Variants in SEMA5B observed in about 807,000 individuals in gnomAD.
SEMA5B encodes the protein semaphorin 5B.
SEMA5B carries 66 observed loss-of-function variants against 135.0 expected under a neutral mutation model. The ratio of observed to expected loss-of-function variants is 0.49; its 90% CI spans 0.40 to 0.60. SEMA5B has a LOEUF of 0.60. Among genes scored for constraint, SEMA5B ranks in the 20% least tolerant of loss-of-function variants. SEMA5B has a pLI of 0.00. For missense variants in SEMA5B, 1,501 were observed against 1,566.3 expected, an observed-to-expected ratio of 0.96 and a Z score of 0.70; for synonymous variants, 690 against 639.5, an observed-to-expected ratio of 1.08 and a Z score of -1.19.
In SEMA5B at chr3:122,915,838, G is replaced by T. The variant is rs149599978; in HGVS notation, c.1741C>A (p.Arg581Ser). The change falls in exon 13 of 23, where the codon CGT becomes AGT. Residue 581 changes from arginine to serine, a missense_variant. Physicochemically the swap from Arg to Ser is moderately radical, Grantham distance 110. Around this residue, in one of 2 missense-constraint regions of SEMA5B, gnomAD observed 927 missense variants for 881.6 expected, o/e 1.05. Coordinates refer to ENST00000357599, the MANE Select transcript of SEMA5B (RefSeq NM_001031702.4). Reference sequence around the variant, plus strand: ...GAGCTGTCCTCGAGTGTGCTGCAACGTTGCTGCTTCCCGTCCCAGCCACAG... The same window carrying T: ...GAGCTGTCCTCGAGTGTGCTGCAACTTTGCTGCTTCCCGTCCCAGCCACAG... ...PYCGWDGKQQ[R>S]CSTLEDSSNM... The T allele has an allele frequency of 1.9e-6, 3 of 1,614,004 alleles. No individual in the cohort carries two copies. Among genetic ancestry groups the T allele is most frequent in the Non-Finnish European group, 2.5e-6 (3 of 1,180,008 alleles).
chr3:122,997,920 C>G (rs1475692656), intron 1 of SEMA5B, among the ~76,000 whole-genome samples: 1 of 152,170 alleles, frequency 6.6e-6, no homozygotes, highest in Non-Finnish European at 1.5e-5. Flanking sequence ...ATACCCCAGC[C>G]TCTAGGTATC....
chr3:122,930,592 A>T (rs1406112425), intron 5 of SEMA5B, among the ~76,000 whole-genome samples: 2 of 152,254 alleles, frequency 1.3e-5, no homozygotes, highest in Non-Finnish European at 2.9e-5. Flanking sequence ...CGAGGACCGC[A>T]TGAGCAAAGG....
chr3:123,024,293 C>T (rs981511447), intron 1 of SEMA5B, among the ~76,000 whole-genome samples: 22 of 152,222 alleles, frequency 1.4e-4, no homozygotes, highest in African/African-American at 5.1e-4. Context: ...CCTCTATCCC[C>T]TTGATGGGTT....
chr3:122,970,106 C>A (rs770359084), intron 1 of SEMA5B, among the ~76,000 whole-genome samples: 14 of 152,172 alleles, frequency 9.2e-5, no homozygotes, highest in Non-Finnish European at 2.1e-4. Flanking sequence ...AGAGCCCGGG[C>A]TGCAAATATG....
intron 1 of SEMA5B, among the ~76,000 whole-genome samples, chr3:122,997,627 A>T (rs1942056326): frequency 1.3e-5 from 2 of 152,018 alleles, no homozygotes; most frequent in African/African-American, 4.8e-5. Flanking sequence ...CTAGGGCAGG[A>T]CCCAGACAAA....
chr3:123,008,962 C>T (rs960204831), intron 1 of SEMA5B, among the ~76,000 whole-genome samples: 1 of 152,200 alleles, frequency 6.6e-6, no homozygotes, highest in Non-Finnish European at 1.5e-5. Context: ...CCTCCCACCA[C>T]AAGTGCACCT....
At chr3:123,021,516 A>AT (rs1942674741) in intron 1 of SEMA5B, among the ~76,000 whole-genome samples, 1 of 152,372 alleles carries the variant, frequency 6.6e-6, no homozygotes, top group African/African-American at 2.4e-5. Context: ...TCCCTGAATA[A>AT]TTAAGAGCCA....
chr3:122,962,209 A>T (rs564564610), intron 1 of SEMA5B, among the ~76,000 whole-genome samples: 1 of 152,142 alleles, frequency 6.6e-6, no homozygotes, highest in South Asian at 2.1e-4. Context: ...TGCCTGCCAC[A>T]CTCACCCTAG....
At chr3:122,939,924 C>A (rs1377958286) in intron 4 of SEMA5B, among the ~76,000 whole-genome samples, 4 of 152,204 alleles carry the variant, frequency 2.6e-5, no homozygotes, top group African/African-American at 9.6e-5. Flanking sequence ...CTGACTCACC[C>A]CTTCTCACAC....
intron 2 of SEMA5B, among the ~76,000 whole-genome samples, chr3:122,950,979 G>C (rs1940021304): frequency 6.6e-6 from 1 of 152,038 alleles, no homozygotes; most frequent in African/African-American, 2.4e-5. Flanking sequence ...TGTCTCCCAG[G>C]TTGGAATGCA....
chr3:122,953,040 C>T (rs1261698455), intron 2 of SEMA5B, among the ~76,000 whole-genome samples: 1 of 152,202 alleles, frequency 6.6e-6, no homozygotes, highest in Non-Finnish European at 1.5e-5. Flanking sequence ...CCTCACATTG[C>T]CCTAAGTGAG....
intron 12 of SEMA5B, 65 bp from the exon 13 acceptor site, chr3:122,915,955 C>T (rs1938055492): frequency 1.8e-6 from 2 of 1,121,690 alleles, no homozygotes; most frequent in Non-Finnish European, 1.4e-6. Context: ...ATCTCAGGAA[C>T]ACACGTGAAC....
chr3:122,934,196 C>G (rs976155285), intron 5 of SEMA5B, among the ~76,000 whole-genome samples: 4 of 151,704 alleles, frequency 2.6e-5, no homozygotes, highest in Non-Finnish European at 4.4e-5. Flanking sequence ...CGTGAGCCAC[C>G]GTGCCCGGCC....
At chr3:122,942,228 A>G (rs1939592452) in intron 4 of SEMA5B, among the ~76,000 whole-genome samples, 1 of 152,218 alleles carries the variant, frequency 6.6e-6, no homozygotes, top group Admixed American at 6.5e-5. Context: ...GACTTTACAG[A>G]TGAGGAAACT....
At chr3:122,997,523 C>A (rs954385572) in intron 1 of SEMA5B, among the ~76,000 whole-genome samples, 33 of 151,966 alleles carry the variant, frequency 2.2e-4, no homozygotes, top group South Asian at 1.0e-3. Flanking sequence ...GCCTCTCCCC[C>A]CCCCGTCTCC....
chr3:123,010,961 G>C (rs1447376745), intron 1 of SEMA5B, among the ~76,000 whole-genome samples: 2 of 152,306 alleles, frequency 1.3e-5, no homozygotes, highest in East Asian at 3.9e-4. Flanking sequence ...ACAGCCACGG[G>C]CTCTCTCACT....
chr3:122,910,256 A>G lies in SEMA5B; in HGVS notation c.3343T>C (p.Tyr1115His). Residue 1115 changes from tyrosine to histidine, a missense_variant, in exon 23 of 23, where the codon TAC becomes CAC. By Grantham distance (83) the Tyr-to-His change is moderately conservative (BLOSUM62 2). Around this residue, in one of 2 missense-constraint regions of SEMA5B, gnomAD observed 927 missense variants for 881.6 expected, o/e 1.05. Coordinates refer to ENST00000357599, the MANE Select transcript of SEMA5B (RefSeq NM_001031702.4). ...NLIPDDRANF[Y>H]PLQQTNVYTT... Reference sequence around the variant, plus strand: ...TACACATTGGTCTGCTGCAATGGGTAGAAGTTGGCTCTGTCATCAGGGATC... The same window carrying G: ...TACACATTGGTCTGCTGCAATGGGTGGAAGTTGGCTCTGTCATCAGGGATC... The G allele has an allele frequency of 6.2e-7, 1 of 1,614,200 alleles. No homozygotes were observed. Among genetic ancestry groups the G allele is most frequent in the Non-Finnish European group, 8.5e-7 (1 of 1,180,028 alleles).
At chr3:122,999,934 G>T (rs1211069781) in intron 1 of SEMA5B, among the ~76,000 whole-genome samples, 1 of 152,238 alleles carries the variant, frequency 6.6e-6, no homozygotes, top group Non-Finnish European at 1.5e-5. Context: ...AACAGGTTGG[G>T]CATAGTGGCT....
intron 12 of SEMA5B, 69 bp downstream of exon 12, chr3:122,921,846 T>A (rs1938360547): frequency 1.7e-5 from 23 of 1,367,052 alleles, no homozygotes; most frequent in Non-Finnish European, 2.2e-5. Context: ...GTCTCCCGGG[T>A]CCAAAGCCCC....
Sources: allele counts gnomAD v4.1 joint callset (sites outside exome capture counted in the v4.1 genomes callset), GRCh38; gene constraint gnomAD v4.1.1; regional missense constraint gnomAD v4.1.1; transcripts MANE v1.5; gene names NCBI Gene and HGNC (gene_info 2026-07-23, HGNC 2026-07-21).